Variants in GLIS2 observed in about 807,000 individuals in gnomAD.
GLIS2 encodes the protein GLIS family zinc finger 2, also known as zinc finger protein GLIS2.
In GLIS2, 14 loss-of-function variants were observed where a neutral mutation model predicts 35.6. That is an observed-to-expected ratio of 0.39 (90% CI 0.26 to 0.61). The LOEUF (loss-of-function observed/expected upper bound fraction) is 0.61, where lower values mean the gene tolerates loss of function less well. Ranked by LOEUF, GLIS2 falls within the 20% of genes least tolerant of loss-of-function variation. The pLI, the probability that GLIS2 is intolerant of heterozygous loss-of-function variation, is 0.48. For missense variants in GLIS2, 675 were observed against 713.4 expected (o/e 0.95, Z 0.61); for synonymous variants, 368 against 325.1 (o/e 1.13, Z -1.42).
intron 1 of GLIS2, among the ~76,000 whole-genome samples, 46 bp downstream of exon 1, chr16:4,316,300 G>A (rs1413303703): frequency 1.3e-5 from 1 of 77,714 alleles, no homozygotes; most frequent in African/African-American, 1.1e-4. Context: ...GGGCCGGGGC[G>A]GGGGGGGGGG....
chr16:4,324,674 A>G (rs563733348), intron 1 of GLIS2: 29 of 152,410 alleles, frequency 1.9e-4, no homozygotes, highest in Admixed American at 1.9e-3. Flanking sequence ...CGTTTTATTA[A>G]GCACCTACTA....
rs2053370048 is a variant in GLIS2, at chr16:4,320,759, A to T, written c.-67+4505A>T. Among the ~76,000 whole-genome samples, 1 of 151,966 alleles carries T rather than the reference A, an allele frequency of 6.6e-6. No homozygotes were observed. Among genetic ancestry groups the T allele is most frequent in the Non-Finnish European group, 1.5e-5 (1 of 67,960 alleles). ...CCAACTTCCAGGCAGACCGACTCTG[A>T]GCTGGGATGTCCCCTCCCCGCAAGG... On this transcript the variant is annotated intron_variant, in intron 1 of 6. Transcript: ENST00000433375. The surrounding 1 kb of genome is among the most constrained non-coding windows in gnomAD (Gnocchi z 5.6).
intron 1 of GLIS2, among the ~76,000 whole-genome samples, chr16:4,331,152 TTTG>T (rs2053492804): frequency 6.6e-6 from 1 of 151,976 alleles, no homozygotes; most frequent in Admixed American, 6.6e-5. Context: ...AATTTTTTTT[TTTG>T]TTATTTAATA....
At chr16:4,322,467 A>G (rs1474699381) in intron 1 of GLIS2, among the ~76,000 whole-genome samples, 1 of 152,122 alleles carries the variant, frequency 6.6e-6, no homozygotes, top group Non-Finnish European at 1.5e-5. Flanking sequence ...AAATGGGGAA[A>G]ATGGCATCCA....
intron 1 of GLIS2, among the ~76,000 whole-genome samples, chr16:4,316,967 C>T (rs774602284): frequency 3.9e-5 from 6 of 152,184 alleles, no homozygotes; most frequent in Non-Finnish European, 7.4e-5. Flanking sequence ...AGGAGAAGCA[C>T]GCACAGCTTC....
In GLIS2 at chr16:4,337,249, C is replaced by T. The variant is rs1249346114; in HGVS notation, c.1300C>T (p.Leu434Phe). Residue 434 changes from leucine (L) to phenylalanine (F), a missense_variant, in exon 7 of 7, where the codon CTT becomes TTT. Physicochemically the swap from Leu to Phe is conservative, Grantham distance 22 (BLOSUM62 0). Coordinates refer to ENST00000433375, the MANE Select transcript of GLIS2 (RefSeq NM_032575.3). ...GGLGLPVVSL[L>F]AGAAGGKAEG... ...ACTGGGCTTGCCTGTGGTCTCCCTC[C>T]TTGCTGGCGCAGCTGGTGGCAAGGC... 2.6e-6 allele frequency: 4 copies of T among 1,548,382 alleles called. No individual in the cohort carries two copies. The highest frequency in any genetic ancestry group is 1.2e-5 in the South Asian group (1 of 84,082).
At chr16:4,327,201 A>G (rs530898586) in intron 1 of GLIS2, among the ~76,000 whole-genome samples, 1 of 152,314 alleles carries the variant, frequency 6.6e-6, no homozygotes, top group African/African-American at 2.4e-5. Flanking sequence ...GCCTAGAAGG[A>G]GCTTTATTCA....
At chr16:4,333,577 G>C (rs531282749) in intron 3 of GLIS2, 58 bp downstream of exon 3, 2 of 1,533,380 alleles carry the variant, frequency 1.3e-6, no homozygotes, top group Non-Finnish European at 1.8e-6. Flanking sequence ...GGGTTGCCAT[G>C]ACAAAGTACC....
At position 4,337,878 on chromosome 16, in the gene GLIS2, C is replaced by T. The variant is rs907017121; in HGVS notation, c.*354C>T. ...CCTAGTGACCACCCATGGCAAGTTG[C>T]CCTCTCCCAGCAGAGGGGGTGGGTG... is the stretch of plus-strand genomic sequence containing the variant. On this transcript the variant is annotated 3_prime_UTR_variant, in exon 7 of 7. Transcript: ENST00000433375. 3 of 428,404 alleles carry T rather than the reference C, an allele frequency of 7.0e-6. No individual in the cohort carries two copies. Among genetic ancestry groups the T allele is most frequent in the Non-Finnish European group, 1.3e-5 (3 of 230,360 alleles). 26.5% of individuals were successfully genotyped at this position (428,404 alleles called of 1,614,324 possible).
intron 3 of GLIS2, 144 bp downstream of exon 3, chr16:4,333,663 T>G: frequency 2.0e-6 from 2 of 978,118 alleles, no homozygotes; most frequent in Non-Finnish European, 2.9e-6. Flanking sequence ...TGGAAGGCTC[T>G]AGGGGAGAAC....
At chr16:4,324,191 G>A (rs2141123098) in intron 1 of GLIS2, among the ~76,000 whole-genome samples, 1 of 152,284 alleles carries the variant, frequency 6.6e-6, no homozygotes, top group South Asian at 2.1e-4. Context: ...GTCTTGGGAG[G>A]GGGAGGGGCT....
intron 6 of GLIS2, 39 bp from the exon 7 acceptor site, chr16:4,336,686 A>C: frequency 4.5e-6 from 7 of 1,550,822 alleles, no homozygotes; most frequent in Non-Finnish European, 6.1e-6. Flanking sequence ...GGAAGGGGAG[A>C]GACCCCTCAT....
At chr16:4,330,223 G>A (rs748804445) in intron 1 of GLIS2, among the ~76,000 whole-genome samples, 11 of 151,998 alleles carry the variant, frequency 7.2e-5, no homozygotes, top group African/African-American at 1.7e-4. Flanking sequence ...GTTGCAGTGA[G>A]CCCAGATCAC....
chr16:4,333,792 G>A (rs368688781), intron 3 of GLIS2, among the ~76,000 whole-genome samples: 1 of 152,032 alleles, frequency 6.6e-6, no homozygotes, highest in Non-Finnish European at 1.5e-5. Flanking sequence ...CTCTGTGTCC[G>A]AATCTCTCTC....
chr16:4,325,522 A>G (rs1485896228), intron 1 of GLIS2, among the ~76,000 whole-genome samples: 3 of 151,982 alleles, frequency 2.0e-5, no homozygotes, highest in Non-Finnish European at 1.5e-5. Context: ...CATCTGTAAG[A>G]CCATACTGCT....
At chr16:4,318,711 G>A (rs1339353826) in intron 1 of GLIS2, among the ~76,000 whole-genome samples, 1 of 152,230 alleles carries the variant, frequency 6.6e-6, no homozygotes, top group Non-Finnish European at 1.5e-5. Context: ...CCTCCTTCCC[G>A]GCCTGGCCTT....
rs2053544690 is a variant in GLIS2, at chr16:4,335,806, T to C, written c.775+413T>C. ...AAAAATAAATGGGTGAAATTAATTG[T>C]AATATGGTTCGTTGACCCCGGTACA... On this transcript the variant is annotated intron_variant, in intron 6 of 6. Transcript: ENST00000433375. This position sits in a 1 kb window ranked among gnomAD's most constrained non-coding sequence, Gnocchi z 4.6. 1 of 244,586 alleles carries C rather than the reference T, an allele frequency of 4.1e-6. No individual in the cohort carries two copies. Among genetic ancestry groups the C allele is most frequent in the Non-Finnish European group, 8.1e-6 (1 of 123,538 alleles). 15.2% of individuals were successfully genotyped at this position (244,586 alleles called of 1,614,324 possible). A position where few individuals can be genotyped will look rare whatever the true frequency, so the allele number is the denominator to read the frequency against.
chr16:4,315,837 G>T (rs1431616296), upstream of GLIS2, among the ~76,000 whole-genome samples: 2 of 141,370 alleles, frequency 1.4e-5, no homozygotes, highest in African/African-American at 5.2e-5. Context: ...CGACGCGCAC[G>T]CCCCGCCTGG....
At chr16:4,325,130 C>G (rs1347322838) in intron 1 of GLIS2, 3 of 152,434 alleles carry the variant, frequency 2.0e-5, no homozygotes, top group East Asian at 3.9e-4. Flanking sequence ...GCCCCCCACC[C>G]CAGCCAGCCC....
Sources: gnomAD v4.1 joint callset for allele counts (sites outside exome capture counted in the v4.1 genomes callset) on GRCh38, gnomAD v4.1.1 for gene constraint, Gnocchi (gnomAD v3.1) non-coding constraint, MANE v1.5 for transcripts, NCBI Gene and HGNC (gene_info 2026-07-23, HGNC 2026-07-21) for gene names.